PPFIA2: variants seen among roughly 807,000 people sequenced by gnomAD.
The protein encoded by PPFIA2 is liprin-alpha-2.
PPFIA2 carries 46 observed loss-of-function variants against 175.5 expected under a neutral mutation model. The observed-to-expected ratio is 0.26, with a 90% CI of 0.21 to 0.34. The LOEUF (loss-of-function observed/expected upper bound fraction) is 0.34. Among genes scored for constraint, PPFIA2 ranks in the 10% least tolerant of loss-of-function variants. The probability of loss-of-function intolerance (pLI) is 1.00; values close to 1 mark genes in which losing one functional copy is unlikely to be tolerated. For missense variants in PPFIA2, 1,179 were observed against 1,506.1 expected, an observed-to-expected ratio of 0.78 and a Z score of 3.60; for synonymous variants, 568 against 511.4, an observed-to-expected ratio of 1.11 and a Z score of -1.49.
intron 4 of PPFIA2, among the ~76,000 whole-genome samples, chr12:81,592,614 C>G (rs1475845106): frequency 6.6e-6 from 1 of 152,138 alleles, no homozygotes; most frequent in African/African-American, 2.4e-5. Flanking sequence ...CACAAGCTCT[C>G]TCTTTGCCTA....
At chr12:81,369,304 G>A in intron 11 of PPFIA2, 110 bp from the exon 12 acceptor site, 1 of 1,526,074 alleles carries the variant, frequency 6.6e-7, no homozygotes, top group Non-Finnish European at 8.8e-7. Flanking sequence ...TGCAAACATA[G>A]TTTTTAAAAA....
chr12:81,688,679 T>A (rs2074784324), intron 3 of PPFIA2, among the ~76,000 whole-genome samples: 1 of 151,020 alleles, frequency 6.6e-6, no homozygotes, highest in South Asian at 2.1e-4. Context: ...CTTTTCCAAC[T>A]GTTAATAACT....
intron 4 of PPFIA2, among the ~76,000 whole-genome samples, chr12:81,531,271 G>A (rs2064514531): frequency 6.6e-6 from 1 of 151,768 alleles, no homozygotes; most frequent in Non-Finnish European, 1.5e-5. Context: ...AATTCAATGT[G>A]GCACTACATA....
intron 4 of PPFIA2, among the ~76,000 whole-genome samples, chr12:81,668,429 G>C (rs1338385449): frequency 6.6e-6 from 1 of 152,006 alleles, no homozygotes; most frequent in East Asian, 1.9e-4. Context: ...CAGTGGTCTT[G>C]CATGTCCGCA....
chr12:81,440,429 C>T (rs942288639), intron 6 of PPFIA2, among the ~76,000 whole-genome samples: 1 of 152,032 alleles, frequency 6.6e-6, no homozygotes, highest in Non-Finnish European at 1.5e-5. Flanking sequence ...AAATACCCCA[C>T]CTTTTTCTCT....
intron 11 of PPFIA2, among the ~76,000 whole-genome samples, chr12:81,370,899 T>C (rs1302975654): frequency 1.3e-5 from 2 of 151,932 alleles, no homozygotes; most frequent in East Asian, 1.9e-4. Flanking sequence ...ATAAGCTCAT[T>C]CTAAAACAGT....
intron 4 of PPFIA2, among the ~76,000 whole-genome samples, chr12:81,528,305 A>C (rs558675179): frequency 6.6e-6 from 1 of 152,200 alleles, no homozygotes; most frequent in South Asian, 2.1e-4. Flanking sequence ...AAGAATTCAG[A>C]AGCGCAACAA....
At chr12:81,564,611 G>A (rs2070906675) in intron 4 of PPFIA2, among the ~76,000 whole-genome samples, 1 of 152,152 alleles carries the variant, frequency 6.6e-6, no homozygotes, top group South Asian at 2.1e-4. Flanking sequence ...ACTGTTTAGA[G>A]AGTTATGCAA....
intron 4 of PPFIA2, among the ~76,000 whole-genome samples, chr12:81,667,028 T>A (rs2070455442): frequency 6.6e-6 from 1 of 152,142 alleles, no homozygotes; most frequent in Non-Finnish European, 1.5e-5. Flanking sequence ...CTGAACTGAC[T>A]CTATGTGTAC....
intron 4 of PPFIA2, among the ~76,000 whole-genome samples, chr12:81,609,817 G>A (rs538005857): frequency 3.9e-5 from 6 of 152,184 alleles, no homozygotes; most frequent in Admixed American, 3.9e-4. Context: ...CTGTCATTAT[G>A]TTGCTAGCTG....
intron 3 of PPFIA2, among the ~76,000 whole-genome samples, chr12:81,732,203 T>C (rs993296355): frequency 1.3e-5 from 2 of 151,572 alleles, no homozygotes; most frequent in East Asian, 1.9e-4. Context: ...AATATAAAAA[T>C]GGACAAATGG....
At chr12:81,598,678 T>C (rs1567517513) in intron 4 of PPFIA2, among the ~76,000 whole-genome samples, 1 of 151,778 alleles carries the variant, frequency 6.6e-6, no homozygotes, top group Non-Finnish European at 1.5e-5. Flanking sequence ...AATTTATAGA[T>C]CAAAGTATAT....
At chr12:81,688,155 T>C (rs1596398728) in intron 3 of PPFIA2, among the ~76,000 whole-genome samples, 2 of 152,000 alleles carry the variant, frequency 1.3e-5, no homozygotes, top group South Asian at 4.1e-4. Context: ...TCATTCTTCC[T>C]AATAAAAAAA....
chr12:81,367,770 T>C (rs1328211802), intron 13 of PPFIA2, among the ~76,000 whole-genome samples: 1 of 151,630 alleles, frequency 6.6e-6, no homozygotes, highest in African/African-American at 2.4e-5. Context: ...TGCCAGAAAA[T>C]TATTTTTGTT....
At chr12:81,290,820 C>G (rs1473989626) in intron 24 of PPFIA2, among the ~76,000 whole-genome samples, 4 of 151,758 alleles carry the variant, frequency 2.6e-5, no homozygotes, top group Middle Eastern at 3.2e-3. Flanking sequence ...GAAATAACCA[C>G]AGTTTATGCA....
intron 3 of PPFIA2, among the ~76,000 whole-genome samples, chr12:81,688,735 T>A (rs2074796796): frequency 6.7e-6 from 1 of 149,976 alleles, no homozygotes; most frequent in Admixed American, 6.7e-5. Flanking sequence ...ATCAGTCTGA[T>A]TCATAAATAA....
At chr12:81,613,107 T>A (rs1355226293) in intron 4 of PPFIA2, among the ~76,000 whole-genome samples, 1 of 152,176 alleles carries the variant, frequency 6.6e-6, no homozygotes, top group Non-Finnish European at 1.5e-5. Context: ...CAGAATCATT[T>A]TATTATATGC....
intron 4 of PPFIA2, among the ~76,000 whole-genome samples, chr12:81,605,632 T>TATCCATCC (rs921417539): frequency 1.3e-5 from 2 of 148,740 alleles, no homozygotes; most frequent in Non-Finnish European, 3.0e-5. Flanking sequence ...CCTGTCTGTC[T>TATCCATCC]ATCCATCCAT....
At position 81,605,722 on chromosome 12, in the gene PPFIA2, T is replaced by C. The variant is rs1245089618; in HGVS notation, c.303+71069A>G. 2.6e-5 allele frequency among the ~76,000 whole-genome samples: 4 copies of C among 151,968 alleles called. 1 individual carries two copies. The East Asian group carries it at 7.7e-4, about 29-fold the overall frequency. On this transcript the variant is annotated intron_variant, in intron 4 of 32. Coordinates refer to ENST00000549396, the MANE Select transcript of PPFIA2 (RefSeq NM_003625.5). Reference sequence around the variant, plus strand: ...TGTCTATAATTTCTCTATCTCTATTTAATCTATCTTCATATTTATCCACTT... The same window carrying C: ...TGTCTATAATTTCTCTATCTCTATTCAATCTATCTTCATATTTATCCACTT...
Sources: gnomAD v4.1 joint callset for allele counts (sites outside exome capture counted in the v4.1 genomes callset) on GRCh38, gnomAD v4.1.1 for gene constraint, MANE v1.5 for transcripts, NCBI Gene and HGNC (gene_info 2026-07-23, HGNC 2026-07-21) for gene names.